The following FER1L6 variants were observed in gnomAD, a reference collection of about 807,000 sequenced individuals.
The protein encoded by FER1L6 is fer-1 like family member 6.
Under a neutral mutation model 219.2 loss-of-function variants are expected in FER1L6, and 177 were observed. The ratio of observed to expected loss-of-function variants is 0.81; its 90% confidence interval spans 0.71 to 0.91. The LOEUF (loss-of-function observed/expected upper bound fraction) is 0.91. Ranked by LOEUF, FER1L6 falls within the 40% of genes least tolerant of loss-of-function variation. The pLI is 0.00. For synonymous variants in FER1L6, 768 were observed against 824.3 expected, an observed-to-expected ratio of 0.93 and a Z score of 1.17; for missense variants, 2,153 against 2,259.9, an observed-to-expected ratio of 0.95 and a Z score of 0.96.
intron 11 of FER1L6, chr8:123,984,981 T>G (rs1298495518): frequency 1.3e-5 from 2 of 152,242 alleles, no homozygotes; most frequent in African/African-American, 4.8e-5. Flanking sequence ...TGTAATGCTG[T>G]GTCAGTGGGT....
At position 124,060,196 on chromosome 8, in the gene FER1L6, T is replaced by G. The variant is rs765392134; in HGVS notation, c.2891T>G (p.Leu964Arg). The G allele has an allele frequency of 1.9e-6, 3 of 1,614,108 alleles. No homozygotes were observed. Among genetic ancestry groups the G allele is most frequent in the Non-Finnish European group, 2.5e-6 (3 of 1,179,986 alleles). ...GTGCGGTAGGTTCCTCCTTCTGGGC[T>G]GCAAGGCCTCCCACCCGTTGAGCCA... ...FELLQVPPSG[L>R]QGLPPVEPPD... is the part of the protein sequence containing the mutation. The change falls in exon 23 of 41, where the codon CTG becomes CGG. Residue 964 changes from leucine (L) to arginine (R), a missense_variant. Leu to Arg is a moderately radical substitution (Grantham distance 102). Transcript: ENST00000522917.
rs1210381005 is a variant in FER1L6 at position 123,963,297 on chromosome 8, A to G, written c.96A>G (p.Glu32=). 2 of 1,613,964 alleles carry G rather than the reference A, an allele frequency of 1.2e-6. No homozygotes were observed. Among genetic ancestry groups the G allele is most frequent in the African/African-American group, 1.3e-5 (1 of 74,932 alleles). Residue 32 remains glutamate (E), a synonymous_variant, in exon 3 of 41, where the codon GAA becomes GAG. Coordinates refer to ENST00000522917, the MANE Select transcript of FER1L6 (RefSeq NM_001039112.2). ...KAAKDSQGDT[E]ALQEEPSHQE... ...CTCCAGATAGTCAAGGTGACACTGAAGCACTGCAGGAGGAGCCTTCTCACC... is the reference window on the plus strand; with the variant it reads ...CTCCAGATAGTCAAGGTGACACTGAGGCACTGCAGGAGGAGCCTTCTCACC...
intron 10 of FER1L6, among the ~76,000 whole-genome samples, chr8:123,979,021 A>G (rs139504103): frequency 1.3e-3 from 198 of 152,320 alleles, no homozygotes; most frequent in African/African-American, 4.5e-3. Context: ...AGGACCATAA[A>G]ATCTTTCTAT....
At chr8:123,994,495 G>A (rs978223767) in intron 12 of FER1L6, among the ~76,000 whole-genome samples, 1 of 152,180 alleles carries the variant, frequency 6.6e-6, no homozygotes, top group Non-Finnish European at 1.5e-5. Context: ...ACACATTGGC[G>A]AGACATATCT....
chr8:124,002,497 G>T (rs140843223), intron 12 of FER1L6, among the ~76,000 whole-genome samples: 1 of 152,320 alleles, frequency 6.6e-6, no homozygotes, highest in African/African-American at 2.4e-5. Flanking sequence ...CCTTCCAAAA[G>T]AGAGGAATGT....
intron 1 of FER1L6, among the ~76,000 whole-genome samples, chr8:123,880,302 C>T (rs999287804): frequency 2.0e-5 from 3 of 152,104 alleles, no homozygotes; most frequent in East Asian, 1.9e-4. Context: ...TATTTAACGC[C>T]GCCTCTTTTC....
chr8:124,064,594 T>TCG (rs1220425770), intron 26 of FER1L6, 21 bp downstream of exon 26: 2 of 1,604,876 alleles, frequency 1.2e-6, no homozygotes, highest in Admixed American at 3.4e-5. Context: ...AATCCCTCTC[T>TCG]ATATTTACAA....
At chr8:124,078,205 G>A (rs1011227512) in intron 32 of FER1L6, among the ~76,000 whole-genome samples, 2 of 152,064 alleles carry the variant, frequency 1.3e-5, no homozygotes, top group South Asian at 2.1e-4. Context: ...GGATGGATGG[G>A]TGGGTGGGTG....
chr8:124,031,431 G>T (rs1014983007), intron 18 of FER1L6, among the ~76,000 whole-genome samples: 2 of 152,134 alleles, frequency 1.3e-5, no homozygotes, highest in Non-Finnish European at 2.9e-5. Flanking sequence ...AAACAGCAAG[G>T]CCTGTCTGCC....
intron 1 of FER1L6, among the ~76,000 whole-genome samples, chr8:123,918,542 T>C (rs940390363): frequency 2.0e-5 from 3 of 152,116 alleles, no homozygotes; most frequent in Non-Finnish European, 2.9e-5. Context: ...CTTTAATTTG[T>C]ATTTGTGTCA....
At chr8:124,076,847 C>T (rs1212227534) in intron 32 of FER1L6, among the ~76,000 whole-genome samples, 1 of 152,154 alleles carries the variant, frequency 6.6e-6, no homozygotes, top group Non-Finnish European at 1.5e-5. Flanking sequence ...ATTTTTCTAT[C>T]ATATTATTCT....
chr8:123,921,278 G>A (rs1168736260), intron 1 of FER1L6, among the ~76,000 whole-genome samples: 1 of 152,138 alleles, frequency 6.6e-6, no homozygotes, highest in African/African-American at 2.4e-5. Flanking sequence ...TTCCTAAAGT[G>A]TCTGTACCAT....
chr8:124,008,897 A>G (rs947009378), intron 13 of FER1L6, among the ~76,000 whole-genome samples: 5 of 152,370 alleles, frequency 3.3e-5, no homozygotes, highest in African/African-American at 1.2e-4. Flanking sequence ...TGATCAGGGA[A>G]ATGCAAATCA....
chr8:123,929,610 TC>T (rs766001842), intron 1 of FER1L6, among the ~76,000 whole-genome samples: 1 of 151,998 alleles, frequency 6.6e-6, no homozygotes, highest in Non-Finnish European at 1.5e-5. Flanking sequence ...TCTGTTGCCC[TC>T]CAATTCTACT....
intron 22 of FER1L6, among the ~76,000 whole-genome samples, chr8:124,058,168 C>T (rs1482642847): frequency 6.6e-6 from 1 of 152,148 alleles, no homozygotes; most frequent in Non-Finnish European, 1.5e-5. Context: ...TTCTGAGCAT[C>T]AGTGATTTTT....
Position 123,956,285 on chromosome 8 carries a change from G to A in FER1L6, c.76+211G>A, listed in dbSNP as rs1412887084. Among the ~76,000 whole-genome samples the A allele has an allele frequency of 2.6e-5, 4 of 152,258 alleles. No individual in the cohort carries two copies. The East Asian group carries it at 7.7e-4, about 29-fold the overall frequency. ...CTGGGCCAAACAGGTGAGTGGGCAT[G>A]TAAGGGGTCCCTGTGAGAAAACAGC... is the stretch of plus-strand genomic sequence containing the variant. On this transcript the variant is annotated intron_variant, in intron 2 of 40. Transcript: ENST00000522917.
At chr8:124,116,988 C>T (rs984577135) in intron 39 of FER1L6, among the ~76,000 whole-genome samples, 4 of 152,100 alleles carry the variant, frequency 2.6e-5, no homozygotes, top group African/African-American at 4.8e-5. Flanking sequence ...CTCAAGAAGA[C>T]GAATACCATT....
At chr8:124,051,090 AT>A (rs1455517101) in intron 22 of FER1L6, among the ~76,000 whole-genome samples, 4 of 152,034 alleles carry the variant, frequency 2.6e-5, no homozygotes, top group African/African-American at 9.7e-5. Flanking sequence ...CCTTATTGGG[AT>A]TTTAGACTTT....
At chr8:124,109,943 C>T (rs372327199) in intron 39 of FER1L6, among the ~76,000 whole-genome samples, 19 of 152,288 alleles carry the variant, frequency 1.2e-4, no homozygotes, top group Middle Eastern at 3.4e-3. Context: ...TCAGACCACA[C>T]GTGACAATAA....
Sources: gnomAD v4.1 joint callset for allele counts (sites outside exome capture counted in the v4.1 genomes callset) on GRCh38, gnomAD v4.1.1 for gene constraint, MANE v1.5 for transcripts, NCBI Gene and HGNC (gene_info 2026-07-23, HGNC 2026-07-21) for gene names.